The following BLM variants were observed in gnomAD, a reference collection of about 807,000 sequenced individuals.
BLM encodes the protein BLM RecQ like helicase, also known as recQ-like DNA helicase BLM.
A neutral mutation model predicts 135.3 loss-of-function variants in BLM; 95 were observed. That is an observed-to-expected ratio of 0.70 (90% CI 0.59 to 0.83). BLM has a LOEUF of 0.83. BLM is among the 40% of genes least tolerant of loss of function. BLM has a pLI of 0.00. For synonymous variants in BLM, 520 were observed against 589.2 expected (o/e 0.88, Z 1.70); for missense variants, 1,518 against 1,663.9 (o/e 0.91, Z 1.53).
intron 14 of BLM, 136 bp downstream of exon 14, chr15:90,785,217 A>G: frequency 4.8e-6 from 5 of 1,049,992 alleles, no homozygotes; most frequent in Admixed American, 2.3e-5. Context: ...TAAAAAACAG[A>G]TTTTCTTTGA....
intron 8 of BLM, among the ~76,000 whole-genome samples, chr15:90,764,067 T>G (rs1896056563): frequency 6.6e-6 from 1 of 151,978 alleles, no homozygotes; most frequent in African/African-American, 2.4e-5. Context: ...GTGCCTTCCT[T>G]TCAACCCTAT....
chr15:90,769,016 G>T (rs1896217692), intron 10 of BLM, 117 bp from the exon 11 acceptor site: 1 of 924,974 alleles, frequency 1.1e-6, no homozygotes, highest in Non-Finnish European at 1.8e-6. Flanking sequence ...GTGAGCCACC[G>T]CACCCGGCCT....
In BLM at chr15:90,769,175, T is replaced by C; in HGVS notation, c.2350T>C (p.Tyr784His). The C allele has an allele frequency of 6.2e-7, 1 of 1,613,706 alleles. No individual in the cohort carries two copies. The highest frequency in any genetic ancestry group is 1.7e-5 in the Admixed American group (1 of 60,020). ...ACTCATTTCTACTCTGGAGAATCTCTATGAGAGGAAGCTCTTGGCACGTTT... is the reference window on the plus strand; with the variant it reads ...ACTCATTTCTACTCTGGAGAATCTCCATGAGAGGAAGCTCTTGGCACGTTT... ...NRLISTLENL[Y>H]ERKLLARFVI... Residue 784 changes from tyrosine (Y) to histidine (H), a missense_variant, in exon 11 of 22, where the codon TAT (tyrosine) becomes CAT (histidine). Physicochemically the swap from Tyr to His is moderately conservative, Grantham distance 83. Around this residue, in one of 5 missense-constraint regions of BLM, gnomAD observed 626 missense variants for 681.1 expected, o/e 0.92. Transcript: ENST00000355112.
chr15:90,755,417 T>A (rs1337382492), intron 5 of BLM: 1 of 164,940 alleles, frequency 6.1e-6, no homozygotes, highest in Non-Finnish European at 1.3e-5. Context: ...TTGTATATAC[T>A]CTGAGTCTAG....
intron 10 of BLM, among the ~76,000 whole-genome samples, chr15:90,768,214 A>C (rs1462181049): frequency 6.6e-6 from 1 of 152,158 alleles, no homozygotes; most frequent in Non-Finnish European, 1.5e-5. Context: ...AAGTGCTGGG[A>C]TTACAAGCGT....
At chr15:90,717,539 C>T (rs1201737756) in intron 1 of BLM, 99 bp downstream of exon 1, 1 of 152,796 alleles carries the variant, frequency 6.5e-6, no homozygotes, top group Non-Finnish European at 1.5e-5. Flanking sequence ...TCTTCCGTTT[C>T]CTGCACTGGT....
intron 1 of BLM, among the ~76,000 whole-genome samples, chr15:90,732,596 A>T (rs74686757): frequency 1.3e-5 from 2 of 151,940 alleles, no homozygotes; most frequent in African/African-American, 4.8e-5. Context: ...TTCTTAAAAA[A>T]AAAAAAAAGG....
At chr15:90,728,337 A>AAGGACATCTGATATCT (rs1894972176) in intron 1 of BLM, among the ~76,000 whole-genome samples, 1 of 149,438 alleles carries the variant, frequency 6.7e-6, no homozygotes, top group Non-Finnish European at 1.5e-5. Context: ...TGCCCAGCCC[A>AAGGACATCTGATATCT]ATTTTCTGAA....
chr15:90,772,018 G>GA (rs1239314068), intron 12 of BLM, among the ~76,000 whole-genome samples: 9 of 152,156 alleles, frequency 5.9e-5, no homozygotes, highest in Non-Finnish European at 8.8e-5. Flanking sequence ...ATCAATAAAT[G>GA]AAAAATGTGA....
chr15:90,735,828 A>G (rs774399031), intron 1 of BLM, among the ~76,000 whole-genome samples: 6 of 152,134 alleles, frequency 3.9e-5, no homozygotes, highest in Admixed American at 6.6e-5. Flanking sequence ...AAAATGAAAA[A>G]CACCATAAGC....
chr15:90,770,978 C>A (rs1896298385), intron 12 of BLM, among the ~76,000 whole-genome samples: 1 of 152,132 alleles, frequency 6.6e-6, no homozygotes, highest in African/African-American at 2.4e-5. Context: ...TGGTTCCAGC[C>A]TAGAATTATT....
chr15:90,812,423 C>G (rs1897445493), intron 21 of BLM, among the ~76,000 whole-genome samples: 1 of 147,044 alleles, frequency 6.8e-6, no homozygotes, highest in African/African-American at 2.6e-5. Flanking sequence ...ACAACAAAGA[C>G]AGCATGGTCT....
intron 1 of BLM, among the ~76,000 whole-genome samples, chr15:90,742,520 A>G (rs1596211268): frequency 1.3e-5 from 2 of 152,160 alleles, no homozygotes; most frequent in East Asian, 1.9e-4. Flanking sequence ...ATCCCCAACC[A>G]GTAACTTTAG....
At position 90,798,077 on chromosome 15, in the gene BLM, G is replaced by A. The variant is rs182377961; in HGVS notation, c.3211-113G>A. On this transcript the variant is annotated intron_variant, in intron 16 of 21. Transcript: ENST00000355112. ...TGAAATTTCCGTAGGTTTTGGTCTC[G>A]GTATTGGTCTGGAAATGGGTTATGA... is the stretch of plus-strand genomic sequence containing the variant. 7.2e-5 allele frequency: 65 copies of A among 896,930 alleles called. No individual in the cohort carries two copies. In the Admixed American group the frequency reaches 8.7e-4, roughly 12 times the overall value. The allele number at this position is 896,930 out of a possible 1,614,324, so 55.6% of individuals were successfully genotyped here.
intron 17 of BLM, among the ~76,000 whole-genome samples, chr15:90,802,049 C>A (rs1897177871): frequency 6.6e-6 from 1 of 151,834 alleles, no homozygotes; most frequent in Non-Finnish European, 1.5e-5. Flanking sequence ...AGAGCAAGAC[C>A]CTGACTCAAA....
chr15:90,803,343 T>C (rs568555493), intron 17 of BLM, among the ~76,000 whole-genome samples, 178 bp from the exon 18 acceptor site: 6 of 152,290 alleles, frequency 3.9e-5, no homozygotes, highest in South Asian at 2.1e-4. Context: ...CATACAACCA[T>C]AGAAATTTTA....
Position 90,815,215 on chromosome 15 carries a change from G to C in BLM, c.4190G>C (p.Gly1397Ala). Reference protein sequence around the residue: ...QATSGANSKLGIMAPPKPINR... With the variant: ...QATSGANSKLAIMAPPKPINR... Reference sequence around the variant, plus strand: ...ACATCAGGAGCCAATAGCAAATTGGGGATTATGGCTCCACCGAAGCCTATA... The same window carrying C: ...ACATCAGGAGCCAATAGCAAATTGGCGATTATGGCTCCACCGAAGCCTATA... Residue 1397 changes from glycine (G) to alanine (A), a missense_variant, in exon 22 of 22, where the codon GGG (glycine) becomes GCG (alanine). By Grantham distance (60) the Gly-to-Ala change is moderately conservative. Around this residue, in one of 5 missense-constraint regions of BLM, gnomAD observed 153 missense variants for 173.4 expected, o/e 0.88. Coordinates refer to ENST00000355112, the MANE Select transcript of BLM (RefSeq NM_000057.4). The surrounding 1 kb of genome is among the most constrained non-coding windows in gnomAD (Gnocchi z 4.6). The C allele has an allele frequency of 3.7e-6, 6 of 1,613,966 alleles. No individual in the cohort carries two copies. Among genetic ancestry groups the C allele is most frequent in the Non-Finnish European group, 5.1e-6 (6 of 1,179,976 alleles).
At position 90,748,938 on chromosome 15, in the gene BLM, T is replaced by A. The variant is rs936760928; in HGVS notation, c.99-429T>A. The stretch of plus-strand genomic sequence containing the variant: ...ATGCCCGGCTAATTTTTTGTGTTTT[T>A]ATTAGAGGTGGGGTTTCACCATGTT... On this transcript the variant is annotated intron_variant, in intron 2 of 21. Coordinates refer to ENST00000355112, the MANE Select transcript of BLM (RefSeq NM_000057.4). Among the ~76,000 whole-genome samples, 3 of 152,124 alleles carry A rather than the reference T, an allele frequency of 2.0e-5. No individual in the cohort carries two copies. The East Asian group carries it at 5.8e-4, about 29-fold the overall frequency.
At chr15:90,756,254 C>T (rs1367290934) in intron 5 of BLM, among the ~76,000 whole-genome samples, 1 of 152,114 alleles carries the variant, frequency 6.6e-6, no homozygotes, top group African/African-American at 2.4e-5. Context: ...CAGGTGTGTA[C>T]CACCATATCT....
Sources: allele counts gnomAD v4.1 joint callset (sites outside exome capture counted in the v4.1 genomes callset), GRCh38; gene constraint gnomAD v4.1.1; regional missense constraint gnomAD v4.1.1; non-coding constraint Gnocchi (gnomAD v3.1); transcripts MANE v1.5; gene names NCBI Gene and HGNC (gene_info 2026-07-23, HGNC 2026-07-21).